PIGV: variants seen among roughly 807,000 people sequenced by gnomAD.
The protein encoded by PIGV is GPI alpha-1,6-mannosyltransferase 2.
A neutral mutation model predicts 39.2 loss-of-function variants in PIGV; 27 were observed. That is an observed-to-expected ratio of 0.69 (90% CI 0.51 to 0.95). The LOEUF is 0.95. Ranked by LOEUF, PIGV falls within the 40% of genes least tolerant of loss-of-function variation. The pLI, the probability that PIGV is intolerant of heterozygous loss-of-function variation, is 0.00. For missense variants in PIGV, 523 were observed against 586.4 expected, an observed-to-expected ratio of 0.89 and a Z score of 1.12; for synonymous variants, 232 against 241.7, an observed-to-expected ratio of 0.96 and a Z score of 0.37.
intron 2 of PIGV, among the ~76,000 whole-genome samples, chr1:26,792,183 G>A (rs894042911): frequency 3.3e-5 from 5 of 151,744 alleles, no homozygotes; most frequent in African/African-American, 9.7e-5. Flanking sequence ...ACAGAGTCTC[G>A]CCCTGTCCCC....
upstream of PIGV, chr1:26,787,901 C>T (rs566867670): frequency 5.2e-5 from 8 of 152,412 alleles, no homozygotes; most frequent in East Asian, 1.5e-3. Flanking sequence ...CGGGGCTGCT[C>T]CAAGTCCGGG....
chr1:26,794,215 G>T lies in PIGV; in HGVS notation c.181G>T (p.Gly61Cys). Residue 61 changes from glycine to cysteine, a missense_variant, in exon 3 of 4, where the codon GGC becomes TGC. Transcript: ENST00000674202. ...FVDQLVEGLL[G>C]GLSHWDAEHF... Reference sequence around the variant, plus strand: ...GGACCAACTCGTGGAAGGTCTTCTGGGCGGCCTGTCTCACTGGGATGCTGA... The same window carrying T: ...GGACCAACTCGTGGAAGGTCTTCTGTGCGGCCTGTCTCACTGGGATGCTGA... 6.2e-7 allele frequency: 1 copy of T among 1,614,208 alleles called. No homozygotes were observed. Among genetic ancestry groups the T allele is most frequent in the Non-Finnish European group, 8.5e-7 (1 of 1,180,036 alleles).
At chr1:26,795,556 C>A (rs2081370494) in intron 3 of PIGV, among the ~76,000 whole-genome samples, 1 of 151,538 alleles carries the variant, frequency 6.6e-6, no homozygotes, top group African/African-American at 2.4e-5. Flanking sequence ...ACTGAAAATA[C>A]AAAAATTAGC....
chr1:26,788,539 G>C (rs1220333556), intron 1 of PIGV: 3 of 152,394 alleles, frequency 2.0e-5, no homozygotes, highest in South Asian at 4.1e-4. Context: ...CGGCATGGAA[G>C]TACTGGGCTA....
At position 26,800,364 on chromosome 1, in the gene PIGV, A is replaced by G. The variant is rs192121556; in HGVS notation, c.*2520A>G. ...AATGCCACAGCTAGGTGGGGTGTCT[A>G]CAGTTTCAGAGAAAAGTCATTTCCT... On this transcript the variant is annotated 3_prime_UTR_variant, in exon 4 of 4. Transcript: ENST00000674202. Among the ~76,000 whole-genome samples, 4 of 151,830 alleles carry G rather than the reference A, an allele frequency of 2.6e-5. No individual in the cohort carries two copies. The highest frequency in any genetic ancestry group is 3.9e-4 in the East Asian group (2 of 5,156).
intron 3 of PIGV, among the ~76,000 whole-genome samples, chr1:26,796,461 C>T (rs1263811689): frequency 1.3e-5 from 2 of 152,110 alleles, no homozygotes; most frequent in Non-Finnish European, 2.9e-5. Flanking sequence ...AGCCACTGCG[C>T]CCAGCAAGAT....
intron 2 of PIGV, among the ~76,000 whole-genome samples, chr1:26,793,248 G>T (rs1557627493): frequency 6.6e-6 from 1 of 152,080 alleles, no homozygotes. Flanking sequence ...TTCACCTACT[G>T]CCCCATTTTT....
rs749137316 is a variant in PIGV at position 26,794,717 on chromosome 1, T to C, written c.683T>C (p.Leu228Pro). 2 of 1,614,260 alleles carry C rather than the reference T, an allele frequency of 1.2e-6. No individual in the cohort carries two copies. Among genetic ancestry groups the C allele is most frequent in the South Asian group, 1.1e-5 (1 of 91,084 alleles). Reference protein sequence around the residue: ...CQGFFSSLTMLNPLRQLFKLM... With the variant: ...CQGFFSSLTMPNPLRQLFKLM... ...GGCTTTTTCTCTTCTCTAACGATGCTGAATCCTCTGAGACAGCTCTTTAAG... is the reference window on the plus strand; with the variant it reads ...GGCTTTTTCTCTTCTCTAACGATGCCGAATCCTCTGAGACAGCTCTTTAAG... The change falls in exon 3 of 4, where the codon CTG becomes CCG. Residue 228 changes from leucine (L) to proline (P), a missense_variant. Physicochemically the swap from Leu to Pro is moderately conservative, Grantham distance 98. Coordinates refer to ENST00000674202, the MANE Select transcript of PIGV (RefSeq NM_017837.4).
At position 26,794,610 on chromosome 1, in the gene PIGV, T is replaced by C. The variant is rs1254349993; in HGVS notation, c.576T>C (p.Ser192=). The C allele has an allele frequency of 1.9e-6, 3 of 1,614,132 alleles. No homozygotes were observed. The highest frequency in any genetic ancestry group is 1.7e-5 in the Admixed American group (1 of 60,014). ...TGGAGAGGGGCCGAGTCTGGACTAG[T>C]GTACTCCTCTTTGCCTTTGCCACTG... is the stretch of plus-strand genomic sequence containing the variant. ...GQLERGRVWT[S]VLLFAFATGV... Residue 192 remains serine (S), a synonymous_variant, in exon 3 of 4, where the codon AGT becomes AGC. Coordinates refer to ENST00000674202, the MANE Select transcript of PIGV (RefSeq NM_017837.4).
In PIGV at chr1:26,799,943, G is replaced by C. The variant is rs1242404876; in HGVS notation, c.*2099G>C. ...TCCTGTTTCAGCTCTTTATTGCCGA[G>C]GTAGGAGCACTGGGTTCTTCGCTCT... On this transcript the variant is annotated 3_prime_UTR_variant, in exon 4 of 4. Coordinates refer to ENST00000674202, the MANE Select transcript of PIGV (RefSeq NM_017837.4). Among the ~76,000 whole-genome samples the C allele has an allele frequency of 6.6e-6, 1 of 152,184 alleles. No homozygotes were observed. The highest frequency in any genetic ancestry group is 6.5e-5 in the Admixed American group (1 of 15,274).
rs1459444045 is a variant in PIGV at position 26,800,086 on chromosome 1, C to T, written c.*2242C>T. On this transcript the variant is annotated 3_prime_UTR_variant, in exon 4 of 4. Coordinates refer to ENST00000674202, the MANE Select transcript of PIGV (RefSeq NM_017837.4). ...GCTCTGGCAGTCTCAGTTTAACCTT[C>T]ACACTAGATCTCATCATGCCCAGAA... Among the ~76,000 whole-genome samples the T allele has an allele frequency of 6.6e-6, 1 of 152,160 alleles. No homozygotes were observed. The highest frequency in any genetic ancestry group is 1.9e-4 in the East Asian group (1 of 5,188).
rs1017712076 is a variant in PIGV at position 26,787,989 on chromosome 1, G to A, written c.-337G>A. 2.6e-5 allele frequency: 4 copies of A among 152,382 alleles called. No homozygotes were observed. Among genetic ancestry groups the A allele is most frequent in the Admixed American group, 2.6e-4 (4 of 15,288 alleles). 9.4% of individuals were successfully genotyped at this position (152,382 alleles called of 1,614,324 possible). ...CGTGGGCCCCGGATGGAGGAGCTGA[G>A]GTTCGGTCCCCGCCGGGGAGGTCGG... On this transcript the variant is annotated 5_prime_UTR_variant, in exon 1 of 4. Coordinates refer to ENST00000674202, the MANE Select transcript of PIGV (RefSeq NM_017837.4).
rs561780582 is a variant in PIGV at position 26,800,224 on chromosome 1, A to C, written c.*2380A>C. Among the ~76,000 whole-genome samples, 5 of 152,252 alleles carry C rather than the reference A, an allele frequency of 3.3e-5. No individual in the cohort carries two copies. In the East Asian group the frequency reaches 5.8e-4, roughly 18 times the overall value. On this transcript the variant is annotated 3_prime_UTR_variant, in exon 4 of 4. Transcript: ENST00000674202. ...CTCTAAGGAGCTAAGGAATGGGCTG[A>C]TTTTATGACCAGCAGCTGTCCTTTT...
Position 26,794,225 on chromosome 1 carries a change from C to G in PIGV, c.191C>G (p.Ser64Cys). ...QLVEGLLGGL[S>C]HWDAEHFLFI... ...GTGGAAGGTCTTCTGGGCGGCCTGT[C>G]TCACTGGGATGCTGAACACTTCTTG... Residue 64 changes from serine (S) to cysteine (C), a missense_variant, in exon 3 of 4, where the codon TCT becomes TGT. Transcript: ENST00000674202. 1 of 1,614,238 alleles carries G rather than the reference C, an allele frequency of 6.2e-7. No individual in the cohort carries two copies. Among genetic ancestry groups the G allele is most frequent in the Non-Finnish European group, 8.5e-7 (1 of 1,180,048 alleles).
intron 2 of PIGV, among the ~76,000 whole-genome samples, chr1:26,791,396 C>T (rs1018709056): frequency 1.3e-5 from 2 of 152,178 alleles, no homozygotes; most frequent in South Asian, 4.1e-4. Context: ...CCTGCCTCAC[C>T]CACACACAAC....
intron 2 of PIGV, among the ~76,000 whole-genome samples, chr1:26,792,026 C>A (rs2081315611): frequency 6.6e-6 from 1 of 152,186 alleles, no homozygotes; most frequent in Non-Finnish European, 1.5e-5. Flanking sequence ...TATATTTCCT[C>A]TAGGCAGTTC....
At chr1:26,791,395 C>A (rs1007697839) in intron 2 of PIGV, among the ~76,000 whole-genome samples, 1 of 152,188 alleles carries the variant, frequency 6.6e-6, no homozygotes, top group South Asian at 2.1e-4. Context: ...TCCTGCCTCA[C>A]CCACACACAA....
chr1:26,791,688 C>A (rs2081311420), intron 2 of PIGV, among the ~76,000 whole-genome samples: 1 of 152,202 alleles, frequency 6.6e-6, no homozygotes, highest in African/African-American at 2.4e-5. Flanking sequence ...TTTCCCACTA[C>A]ATAAGGCATG....
In PIGV at chr1:26,800,370, T is replaced by A. The variant is rs1490997850; in HGVS notation, c.*2526T>A. 2.6e-5 allele frequency among the ~76,000 whole-genome samples: 4 copies of A among 151,768 alleles called. No individual in the cohort carries two copies. Among genetic ancestry groups the A allele is most frequent in the Non-Finnish European group, 5.9e-5 (4 of 67,968 alleles). ...ACAGCTAGGTGGGGTGTCTACAGTTTCAGAGAAAAGTCATTTCCTTCTGAG... is the reference window on the plus strand; with the variant it reads ...ACAGCTAGGTGGGGTGTCTACAGTTACAGAGAAAAGTCATTTCCTTCTGAG... On this transcript the variant is annotated 3_prime_UTR_variant, in exon 4 of 4. Coordinates refer to ENST00000674202, the MANE Select transcript of PIGV (RefSeq NM_017837.4).
Sources: allele counts gnomAD v4.1 joint callset (sites outside exome capture counted in the v4.1 genomes callset), GRCh38; gene constraint gnomAD v4.1.1; transcripts MANE v1.5; gene names NCBI Gene and HGNC (gene_info 2026-07-23, HGNC 2026-07-21).